The following ADAP1 variants were observed in gnomAD, a reference collection of about 807,000 sequenced individuals.
The protein encoded by ADAP1 is arf-GAP with dual PH domain-containing protein 1.
In ADAP1, 31 loss-of-function variants were observed where a neutral mutation model predicts 54.9. That is an observed-to-expected ratio of 0.56 (90% CI 0.42 to 0.76). The LOEUF (loss-of-function observed/expected upper bound fraction) is 0.76, where lower values mean the gene tolerates loss of function less well. ADAP1 is among the 30% of genes least tolerant of loss of function. The pLI is 0.00. For synonymous variants in ADAP1, 313 were observed against 202.6 expected (o/e 1.55, Z -4.63); for missense variants, 535 against 512.4 (o/e 1.04, Z -0.42).
chr7:925,890 TG>T (rs1461638117), intron 3 of ADAP1, among the ~76,000 whole-genome samples: 1 of 152,004 alleles, frequency 6.6e-6, no homozygotes, highest in Non-Finnish European at 1.5e-5. Flanking sequence ...GCAGGAAGCA[TG>T]GGGGGCCGGG....
chr7:929,073 C>G (rs1846480013), intron 2 of ADAP1, among the ~76,000 whole-genome samples: 1 of 152,170 alleles, frequency 6.6e-6, no homozygotes, highest in African/African-American at 2.4e-5. Flanking sequence ...GTGGGCAGAT[C>G]ACGAGGTCAG....
intron 2 of ADAP1, among the ~76,000 whole-genome samples, chr7:933,317 C>T (rs1846641181): frequency 6.6e-6 from 1 of 152,058 alleles, no homozygotes; most frequent in Non-Finnish European, 1.5e-5. Flanking sequence ...CCTGCCTCAG[C>T]CTCCTGAGTG....
In ADAP1 at chr7:905,269, ACACGGGGGACACG is replaced by A. The variant is rs1458062558; in HGVS notation, c.389-110_389-98del. The A allele has an allele frequency of 1.9e-4, 98 of 510,638 alleles. 4 individuals carry two copies. In the African/African-American group the frequency reaches 3.5e-3, roughly 18 times the overall value. The allele number at this position is 510,638 out of a possible 1,614,324, so 31.6% of individuals were successfully genotyped here. The stretch of plus-strand genomic sequence containing the variant: ...AGGACAGAGGGGACATGGGGAGAAG[ACACGGGGGACACG>A]GACGGGGGACACGGACAGGGGGAGA... On this transcript the variant is annotated intron_variant, in intron 4 of 10. Coordinates refer to ENST00000265846, the MANE Select transcript of ADAP1 (RefSeq NM_006869.4).
chr7:936,970 C>T (rs1328817117), intron 1 of ADAP1, among the ~76,000 whole-genome samples: 11 of 152,230 alleles, frequency 7.2e-5, no homozygotes, highest in Non-Finnish European at 7.3e-5. Context: ...TGGGCCTGGG[C>T]TCTGAGTCAC....
intron 1 of ADAP1, among the ~76,000 whole-genome samples, chr7:943,737 GGGAGAGAGGAGGAAGGGAGAGAGGAGGAC>G (rs1847061951): frequency 6.1e-5 from 2 of 33,012 alleles, no homozygotes; most frequent in African/African-American, 1.8e-4. Flanking sequence ...AGAGGAGGAA[GGGAGAGAGGAGGAAGGGAGAGAGGAGGAC>G]GAAGGGAGAG....
chr7:903,938 T>G, intron 6 of ADAP1, 188 bp downstream of exon 6: 1 of 687,856 alleles, frequency 1.5e-6, no homozygotes, highest in South Asian at 2.0e-5. Flanking sequence ...CCGGCGCCAG[T>G]GCCCACACTC....
intron 2 of ADAP1, among the ~76,000 whole-genome samples, chr7:927,885 A>G (rs1294019505): frequency 2.0e-5 from 3 of 151,768 alleles, no homozygotes; most frequent in Non-Finnish European, 4.4e-5. Flanking sequence ...AATTTATTAT[A>G]TTTTTTTACC....
chr7:952,079 G>A (rs1403935146), intron 1 of ADAP1, among the ~76,000 whole-genome samples: 1 of 151,892 alleles, frequency 6.6e-6, no homozygotes, highest in African/African-American at 2.4e-5. Context: ...GCAGGACAGT[G>A]GGTCCAGGCA....
In ADAP1 at chr7:906,503, G is replaced by GGAGAAA. The variant is rs1845356345; in HGVS notation, c.389-1332_389-1331insTTTCTC. 9.9e-3 allele frequency among the ~76,000 whole-genome samples: 11 copies of GGAGAAA among 1,110 alleles called. 5 individuals are homozygous for GGAGAAA. The highest frequency in any genetic ancestry group is 0.064 in the African/African-American group (11 of 172). The allele number at this position is 1,110 out of a possible 152,430, so 0.7% of individuals were successfully genotyped here. On this transcript the variant is annotated intron_variant, in intron 4 of 10. Transcript: ENST00000265846. ...AGAAAGGAGAAAGGGAAAGGAGAAAGGGAGAAAGGAGAAAGGAGAAAGGGA... is the reference window on the plus strand; with the variant it reads ...AGAAAGGAGAAAGGGAAAGGAGAAAGGAGAAAGGAGAAAGGAGAAAGGAGAAAGGGA...
intron 1 of ADAP1, among the ~76,000 whole-genome samples, chr7:947,824 T>C (rs953757814): frequency 9.2e-5 from 14 of 151,978 alleles, no homozygotes; most frequent in African/African-American, 3.4e-4. Flanking sequence ...ATGGTTCCCA[T>C]CCCACCCAGA....
At position 930,815 on chromosome 7, in the gene ADAP1, TA is replaced by T. The variant is rs55747872; in HGVS notation, c.214-4172del. ...GCCTGGGAGACAGTGAGACTGTCTCTAAAAAAAAAAAAGTAGCCAGGCACGG... is the reference window on the plus strand; with the variant it reads ...GCCTGGGAGACAGTGAGACTGTCTCTAAAAAAAAAAAGTAGCCAGGCACGG... On this transcript the variant is annotated intron_variant, in intron 2 of 10. Coordinates refer to ENST00000265846, the MANE Select transcript of ADAP1 (RefSeq NM_006869.4). Among the ~76,000 whole-genome samples, 570 of 144,110 alleles carry T rather than the reference TA, an allele frequency of 4.0e-3. 3 individuals carry two copies. Among genetic ancestry groups the T allele is most frequent in the African/African-American group, 0.012 (478 of 38,916 alleles). The allele number at this position is 144,110 out of a possible 152,430, so 94.5% of individuals were successfully genotyped here. A position where few individuals can be genotyped will look rare whatever the true frequency, so the allele number is the denominator to read the frequency against.
At chr7:941,922 TGTG>T (rs1846948781) in intron 1 of ADAP1, among the ~76,000 whole-genome samples, 2 of 152,194 alleles carry the variant, frequency 1.3e-5, no homozygotes, top group Non-Finnish European at 2.9e-5. Flanking sequence ...ATCAAGACAG[TGTG>T]GTGGTGTTGG....
At chr7:937,858 G>A (rs1298899583) in intron 1 of ADAP1, among the ~76,000 whole-genome samples, 1 of 152,108 alleles carries the variant, frequency 6.6e-6, no homozygotes, top group Non-Finnish European at 1.5e-5. Flanking sequence ...AATGAAGCCT[G>A]TCTCCCCATT....
chr7:930,596 A>G (rs2128107658), intron 2 of ADAP1, among the ~76,000 whole-genome samples: 1 of 151,660 alleles, frequency 6.6e-6, no homozygotes, highest in African/African-American at 2.4e-5. Context: ...AGGGGGATGG[A>G]TCACCTGAGG....
chr7:902,986 T>G (rs968690916), intron 6 of ADAP1, among the ~76,000 whole-genome samples: 2 of 152,106 alleles, frequency 1.3e-5, no homozygotes, highest in East Asian at 3.8e-4. Context: ...GGCACATCAC[T>G]TCTACCAAGA....
intron 5 of ADAP1, among the ~76,000 whole-genome samples, chr7:904,839 G>A (rs189173344): frequency 1.5e-4 from 23 of 152,312 alleles, no homozygotes; most frequent in South Asian, 4.1e-4. Flanking sequence ...CCGCCCGGCC[G>A]CCCAGGCTCC....
At position 899,200 on chromosome 7, in the gene ADAP1, T is replaced by C. The variant is rs1199819633; in HGVS notation, c.929A>G (p.His310Arg). Residue 310 changes from histidine to arginine, a missense_variant, in exon 10 of 11, where the codon CAT becomes CGT. Coordinates refer to ENST00000265846, the MANE Select transcript of ADAP1 (RefSeq NM_006869.4). The stretch of plus-strand genomic sequence containing the variant: ...GCCCTGGGTGGACGGCGGGAACCCA[T>C]GCAGCACCGTGTAGCCACTCTCCTT... Reference protein sequence around the residue: ...GSKESGYTVLHGFPPSTQGHH... With the variant: ...GSKESGYTVLRGFPPSTQGHH... 2 of 1,612,648 alleles carry C rather than the reference T, an allele frequency of 1.2e-6. No individual in the cohort carries two copies. Among genetic ancestry groups the C allele is most frequent in the Non-Finnish European group, 8.5e-7 (1 of 1,179,976 alleles).
intron 8 of ADAP1, 85 bp downstream of exon 8, chr7:900,017 C>G (rs922155159): frequency 5.3e-6 from 8 of 1,511,064 alleles, no homozygotes; most frequent in Non-Finnish European, 7.3e-6. Flanking sequence ...ACACAGGCGG[C>G]AGCTGGCAAG....
intron 4 of ADAP1, among the ~76,000 whole-genome samples, chr7:919,147 G>A (rs1222883845): frequency 6.6e-6 from 1 of 152,218 alleles, no homozygotes; most frequent in Non-Finnish European, 1.5e-5. Context: ...GGCCCCCAAG[G>A]GCACCCAGGC....
Sources: allele counts gnomAD v4.1 joint callset (sites outside exome capture counted in the v4.1 genomes callset), GRCh38; gene constraint gnomAD v4.1.1; transcripts MANE v1.5; gene names NCBI Gene and HGNC (gene_info 2026-07-23, HGNC 2026-07-21).